Variants in ADAP1 observed in about 807,000 individuals in gnomAD.
The protein encoded by ADAP1 is ArfGAP with dual PH domains 1.
A neutral mutation model predicts 54.9 loss-of-function variants in ADAP1; 31 were observed. That is an observed-to-expected ratio of 0.56 (90% confidence interval 0.42 to 0.76). The LOEUF (loss-of-function observed/expected upper bound fraction) is 0.76, where lower values mean the gene tolerates loss of function less well. ADAP1 is among the 30% of genes least tolerant of loss of function. ADAP1 has a pLI of 0.00. For missense variants in ADAP1, 535 were observed against 512.4 expected (o/e 1.04, Z -0.42); for synonymous variants, 313 against 202.6 (o/e 1.55, Z -4.63).
intron 6 of ADAP1, 170 bp downstream of exon 6, chr7:903,948 CCCACACGT>C (rs1281252133): frequency 5.2e-6 from 4 of 771,324 alleles, no homozygotes; most frequent in Non-Finnish European, 7.9e-6. Flanking sequence ...TGCCCACACT[CCCACACGT>C]CCAAGCACCC....
At chr7:918,354 C>T (rs1391606397) in intron 4 of ADAP1, among the ~76,000 whole-genome samples, 3 of 152,336 alleles carry the variant, frequency 2.0e-5, no homozygotes, top group Admixed American at 6.5e-5. Flanking sequence ...GCAGCTGGGA[C>T]TACAGGTGGT....
At position 926,622 on chromosome 7, in the gene ADAP1, T is replaced by C. The variant is rs539010339; in HGVS notation, c.236A>G (p.Asp79Gly). 13 of 1,543,702 alleles carry C rather than the reference T, an allele frequency of 8.4e-6. 1 individual carries two copies. In the South Asian group the frequency reaches 1.6e-4, roughly 18 times the overall value. Residue 79 changes from aspartate to glycine, a missense_variant, in exon 3 of 11, where the codon GAC becomes GGC. Transcript: ENST00000265846. This position sits in a 1 kb window ranked among gnomAD's most constrained non-coding sequence, Gnocchi z 4.6. Reference sequence around the variant, plus strand: ...GGACTCAAACCTGGCTCTCGCGGCGTCGTTCCCGTGGGAGGCCATGAACTG... The same window carrying C: ...GGACTCAAACCTGGCTCTCGCGGCGCCGTTCCCGTGGGAGGCCATGAACTG... Reference protein sequence around the residue: ...QVEFMASHGNDAARARFESKV... With the variant: ...QVEFMASHGNGAARARFESKV...
Position 937,684 on chromosome 7 carries a change from ATG to A in ADAP1, c.83-2181_83-2180del, listed in dbSNP as rs1562934314. 5.0e-3 allele frequency among the ~76,000 whole-genome samples: 334 copies of A among 66,474 alleles called. 88 individuals are homozygous for A. Among genetic ancestry groups the A allele is most frequent in the African/African-American group, 5.9e-3 (95 of 16,054 alleles). 43.6% of individuals were successfully genotyped at this position (66,474 alleles called of 152,430 possible). On this transcript the variant is annotated intron_variant, in intron 1 of 10. Transcript: ENST00000265846. ...GCCCGGCCTCTGGGATTTGGGGGTC[ATG>A]CCCGGCCTCTGGGATTTGGGGGTCA...
chr7:926,260 C>T lies in ADAP1; in HGVS notation c.305+293G>A, dbSNP rs1846383293. Among the ~76,000 whole-genome samples the T allele has an allele frequency of 6.6e-6, 1 of 152,158 alleles. No homozygotes were observed. The highest frequency in any genetic ancestry group is 6.5e-5 in the Admixed American group (1 of 15,284). On this transcript the variant is annotated intron_variant, in intron 3 of 10. Coordinates refer to ENST00000265846, the MANE Select transcript of ADAP1 (RefSeq NM_006869.4). The surrounding 1 kb of genome is among the most constrained non-coding windows in gnomAD (Gnocchi z 4.6). ...AGACCGCCAGGAGCACCTGGGAGGG[C>T]CCCTCAGATCCACCCGAGACCCCCA...
rs139483497 is a variant in ADAP1 at position 899,575 on chromosome 7, G to A, written c.796-85C>T. 8.6e-5 allele frequency: 125 copies of A among 1,452,636 alleles called. 1 individual carries two copies. In the East Asian group the frequency reaches 3.0e-3, roughly 35 times the overall value. 90.0% of individuals were successfully genotyped at this position (1,452,636 alleles called of 1,614,324 possible). On this transcript the variant is annotated intron_variant, in intron 8 of 10. Coordinates refer to ENST00000265846, the MANE Select transcript of ADAP1 (RefSeq NM_006869.4). ...GACCACAGCACACCCCGGAGGGCAGGGCCCAGACTGGCCCGGGTCAGTCAC... is the reference window on the plus strand; with the variant it reads ...GACCACAGCACACCCCGGAGGGCAGAGCCCAGACTGGCCCGGGTCAGTCAC...
intron 1 of ADAP1, among the ~76,000 whole-genome samples, chr7:950,043 A>G (rs1364051470): frequency 1.3e-5 from 2 of 152,222 alleles, no homozygotes; most frequent in Admixed American, 1.3e-4. Flanking sequence ...GGAGCAGCCC[A>G]GTGTCCGCCT....
intron 4 of ADAP1, among the ~76,000 whole-genome samples, chr7:907,727 C>G (rs759253485): frequency 5.9e-5 from 9 of 152,240 alleles, no homozygotes. Flanking sequence ...TTGCAGCATC[C>G]GTGTCCTGGG....
chr7:915,607 G>C (rs6974957), intron 4 of ADAP1, among the ~76,000 whole-genome samples: 3 of 152,002 alleles, frequency 2.0e-5, no homozygotes, highest in Admixed American at 6.6e-5. Context: ...AGGGTCACAC[G>C]GGAGGCTTTA....
At chr7:934,457 G>A (rs149750543) in intron 2 of ADAP1, among the ~76,000 whole-genome samples, 226 of 152,162 alleles carry the variant, frequency 1.5e-3, no homozygotes, top group African/African-American at 5.1e-3. Context: ...CAGCCTCTAC[G>A]ACCCTCCCCA....
intron 1 of ADAP1, among the ~76,000 whole-genome samples, chr7:943,789 G>GGAGGAGGAGGAAGGGAGA (rs1209550750): frequency 3.2e-4 from 22 of 67,840 alleles, no homozygotes; most frequent in Non-Finnish European, 4.6e-4. Flanking sequence ...GAGGAGGAAG[G>GGAGGAGGAGGAAGGGAGA]GAGGAGGAGG....
chr7:902,254 C>CGGGAGT (rs1562907449), intron 6 of ADAP1, among the ~76,000 whole-genome samples: 73 of 150,260 alleles, frequency 4.9e-4, no homozygotes, highest in African/African-American at 1.7e-3. Context: ...AGGTCGGGAG[C>CGGGAGT]TCGAGACCAG....
chr7:949,566 T>C (rs1847218962), intron 1 of ADAP1, among the ~76,000 whole-genome samples: 1 of 152,162 alleles, frequency 6.6e-6, no homozygotes, highest in Non-Finnish European at 1.5e-5. Flanking sequence ...CATCTGTGCG[T>C]CGGGGAAGCT....
rs1400621412 is a variant in ADAP1 at position 905,176 on chromosome 7, T to C, written c.389-4A>G. ...CAGAGAAAACCCTCACGGTACCCTG[T>C]GGGGGAAAGGGGACACGAGTCGGTG... is the stretch of plus-strand genomic sequence containing the variant. On this transcript the variant is annotated splice_region_variant and splice_polypyrimidine_tract_variant and intron_variant, in intron 4 of 10. Coordinates refer to ENST00000265846, the MANE Select transcript of ADAP1 (RefSeq NM_006869.4). The C allele has an allele frequency of 1.2e-6, 2 of 1,602,828 alleles. No homozygotes were observed. Among genetic ancestry groups the C allele is most frequent in the Admixed American group, 3.4e-5 (2 of 59,182 alleles).
At position 920,750 on chromosome 7, in the gene ADAP1, A is replaced by C. The variant is rs1583162502; in HGVS notation, c.306-700T>G. On this transcript the variant is annotated intron_variant, in intron 3 of 10. Coordinates refer to ENST00000265846, the MANE Select transcript of ADAP1 (RefSeq NM_006869.4). The surrounding 1 kb of genome is among the most constrained non-coding windows in gnomAD (Gnocchi z 4.5). ...AGCCCAGACATCCCTGCCCAGAGCC[A>C]CCCACCACGGCCTCCCCATCCACCG... 2 of 1,536,250 alleles carry C rather than the reference A, an allele frequency of 1.3e-6. No homozygotes were observed. The highest frequency in any genetic ancestry group is 1.8e-6 in the Non-Finnish European group (2 of 1,136,608).
intron 2 of ADAP1, among the ~76,000 whole-genome samples, chr7:930,264 GA>G (rs1253637033): frequency 1.3e-5 from 2 of 150,972 alleles, no homozygotes; most frequent in African/African-American, 4.9e-5. Context: ...AGACAACCTA[GA>G]AAAAAATGTT....
intron 1 of ADAP1, among the ~76,000 whole-genome samples, chr7:953,215 C>T (rs191951240): frequency 4.0e-4 from 61 of 152,356 alleles, no homozygotes; most frequent in Non-Finnish European, 8.8e-5. Context: ...TGCACGGGCC[C>T]TGTGGCCGTC....
rs962066188 is a variant in ADAP1 at position 898,781 on chromosome 7, G to C, written c.*140C>G. On this transcript the variant is annotated 3_prime_UTR_variant, in exon 11 of 11. Coordinates refer to ENST00000265846, the MANE Select transcript of ADAP1 (RefSeq NM_006869.4). ...AGAAGCATCCTGGAAGCTGAAGCTC[G>C]GGCCCTACCTGGCCGCGCCGGGCTG... is the stretch of plus-strand genomic sequence containing the variant. 5 of 1,138,096 alleles carry C rather than the reference G, an allele frequency of 4.4e-6. No homozygotes were observed. Among genetic ancestry groups the C allele is most frequent in the Non-Finnish European group, 6.3e-6 (5 of 794,680 alleles). 70.5% of individuals were successfully genotyped at this position (1,138,096 alleles called of 1,614,324 possible).
intron 1 of ADAP1, 28 bp from the exon 2 acceptor site, chr7:935,533 A>G (rs1184109530): frequency 6.4e-7 from 1 of 1,555,590 alleles, no homozygotes; most frequent in Admixed American, 1.9e-5. Flanking sequence ...ACGTTCACGG[A>G]GGCTCAGCCC....
intron 7 of ADAP1, 60 bp downstream of exon 7, chr7:900,473 T>G: frequency 6.7e-7 from 1 of 1,486,586 alleles, no homozygotes; most frequent in Non-Finnish European, 9.2e-7. Flanking sequence ...GAGGGCTCCG[T>G]CCACCCCCCA....
Sources: gnomAD v4.1 joint callset for allele counts (sites outside exome capture counted in the v4.1 genomes callset) on GRCh38, gnomAD v4.1.1 for gene constraint, Gnocchi (gnomAD v3.1) non-coding constraint, MANE v1.5 for transcripts, NCBI Gene and HGNC (gene_info 2026-07-23, HGNC 2026-07-21) for gene names.